UACA: variants seen among roughly 807,000 people sequenced by gnomAD.
UACA encodes the protein nuclear membrane binding protein.
UACA carries 112 observed loss-of-function variants against 160.5 expected under a neutral mutation model. The observed-to-expected ratio is 0.70, with a 90% CI of 0.60 to 0.82. The LOEUF (loss-of-function observed/expected upper bound fraction) is 0.82. Ranked by LOEUF, UACA falls within the 40% of genes least tolerant of loss-of-function variation. UACA has a pLI of 0.00. For synonymous variants in UACA, 557 were observed against 568.4 expected (o/e 0.98, Z 0.29); for missense variants, 1,574 against 1,614.6 (o/e 0.97, Z 0.43).
intron 2 of UACA, among the ~76,000 whole-genome samples, chr15:70,697,646 T>C (rs1466046491): frequency 6.6e-6 from 1 of 152,138 alleles, no homozygotes; most frequent in Non-Finnish European, 1.5e-5. Flanking sequence ...ATACAGAAAA[T>C]ATATTTGTAA....
intron 1 of UACA, chr15:70,758,331 G>T (rs1372996322): frequency 6.6e-6 from 1 of 152,154 alleles, no homozygotes; most frequent in Non-Finnish European, 1.5e-5. Flanking sequence ...TCAACGCAGG[G>T]ATAACCATAG....
the UACA span, among the ~76,000 whole-genome samples, chr15:70,777,706 A>G: frequency 6.6e-6 from 1 of 152,182 alleles, no homozygotes; most frequent in Non-Finnish European, 1.5e-5. Context: ...GACCACGGGC[A>G]AGTAGTGTTG....
intron 1 of UACA, among the ~76,000 whole-genome samples, chr15:70,711,732 A>G (rs1257974412): frequency 1.3e-5 from 2 of 152,164 alleles, no homozygotes; most frequent in Non-Finnish European, 2.9e-5. Context: ...AATAAGGCAG[A>G]CAGATACATA....
At chr15:70,771,273 T>G in the UACA span, among the ~76,000 whole-genome samples, 1 of 152,228 alleles carries the variant, frequency 6.6e-6, no homozygotes, top group African/African-American at 2.4e-5. Flanking sequence ...TCCTTGAGTT[T>G]GAAATTTGGC....
chr15:70,697,468 G>A (rs925928194), intron 2 of UACA, among the ~76,000 whole-genome samples: 3 of 152,184 alleles, frequency 2.0e-5, no homozygotes, highest in Non-Finnish European at 4.4e-5. Flanking sequence ...TAGGAGAGAG[G>A]CGAACAGAAA....
At chr15:70,759,509 G>A (rs567104099) in intron 1 of UACA, among the ~76,000 whole-genome samples, 1 of 152,278 alleles carries the variant, frequency 6.6e-6, no homozygotes, top group Non-Finnish European at 1.5e-5. Flanking sequence ...TACAAAATGA[G>A]CCGGGCATGG....
At chr15:70,776,242 G>A in the UACA span, among the ~76,000 whole-genome samples, 1 of 152,140 alleles carries the variant, frequency 6.6e-6, no homozygotes, top group African/African-American at 2.4e-5. Flanking sequence ...TAAGCAACAT[G>A]AGAACTTACG....
At chr15:70,666,520 C>G (rs1012178341) in intron 16 of UACA, among the ~76,000 whole-genome samples, 1 of 152,212 alleles carries the variant, frequency 6.6e-6, no homozygotes, top group African/African-American at 2.4e-5. Context: ...TTGGCTAGAA[C>G]AGCTAAAGAA....
intron 5 of UACA, among the ~76,000 whole-genome samples, chr15:70,689,336 A>AT (rs1595889936): frequency 1.3e-5 from 2 of 152,194 alleles, no homozygotes; most frequent in African/African-American, 4.8e-5. Context: ...ATCCTAGCTA[A>AT]TGCATCTAAC....
the UACA span, among the ~76,000 whole-genome samples, chr15:70,768,838 C>T: frequency 6.6e-6 from 1 of 152,122 alleles, no homozygotes; most frequent in Non-Finnish European, 1.5e-5. Flanking sequence ...CAGATAAAGG[C>T]TATCTCTATA....
chr15:70,703,861 A>T (rs1356048884), intron 1 of UACA, among the ~76,000 whole-genome samples: 1 of 151,904 alleles, frequency 6.6e-6, no homozygotes, highest in African/African-American at 2.4e-5. Context: ...TGTCCCCTGT[A>T]CCTATAAGGT....
intron 14 of UACA, 145 bp downstream of exon 14, chr15:70,671,820 G>A (rs1260494297): frequency 2.1e-5 from 10 of 479,468 alleles, no homozygotes; most frequent in Admixed American, 4.2e-5. Flanking sequence ...TCATCTTAAC[G>A]TCTTCCTAGT....
intron 18 of UACA, among the ~76,000 whole-genome samples, chr15:70,659,263 T>C (rs1028873157): frequency 6.6e-6 from 1 of 152,014 alleles, no homozygotes; most frequent in Non-Finnish European, 1.5e-5. Context: ...AAGAGGCAGG[T>C]CTATTGATTT....
In UACA at chr15:70,669,055, C is replaced by T. The variant is rs748949025; in HGVS notation, c.1629G>A (p.Lys543=). ...SGNHRLTEEL[K]DQLKDLKVKY... ...TTACTTTCAAGTCTTTCAACTGATC[C>T]TTCAGTTCCTCGGTTAGTCTGTGAT... The change falls in exon 16 of 19, where the codon AAG becomes AAA. Residue 543 remains lysine (K), a synonymous_variant. Coordinates refer to ENST00000322954, the MANE Select transcript of UACA (RefSeq NM_018003.4). 8 of 1,614,004 alleles carry T rather than the reference C, an allele frequency of 5.0e-6. No individual in the cohort carries two copies. The South Asian group carries it at 6.6e-5, about 13-fold the overall frequency.
At chr15:70,727,386 T>C (rs1036971311) in intron 1 of UACA, among the ~76,000 whole-genome samples, 2 of 152,172 alleles carry the variant, frequency 1.3e-5, no homozygotes, top group Admixed American at 6.5e-5. Flanking sequence ...TAAAAATTGC[T>C]GTATAACCAG....
chr15:70,677,868 C>T (rs1350846061), intron 11 of UACA, among the ~76,000 whole-genome samples: 1 of 152,086 alleles, frequency 6.6e-6, no homozygotes, highest in Admixed American at 6.6e-5. Flanking sequence ...CCCTCAGAAG[C>T]GGCAGCCCAC....
intron 1 of UACA, among the ~76,000 whole-genome samples, chr15:70,735,502 C>T (rs1899338033): frequency 6.6e-6 from 1 of 151,914 alleles, no homozygotes; most frequent in Non-Finnish European, 1.5e-5. Context: ...GATGTTTATT[C>T]TCTCAATTAA....
At chr15:70,688,057 A>C (rs762374879) in intron 5 of UACA, among the ~76,000 whole-genome samples, 1 of 152,206 alleles carries the variant, frequency 6.6e-6, no homozygotes, top group Non-Finnish European at 1.5e-5. Flanking sequence ...GTAGAAGACA[A>C]GAACACACTA....
chr15:70,759,470 A>G (rs2030619985), intron 1 of UACA, among the ~76,000 whole-genome samples: 1 of 152,240 alleles, frequency 6.6e-6, no homozygotes, highest in Non-Finnish European at 1.5e-5. Context: ...AGCCTGGCCA[A>G]TGTGGTGAAA....
Sources: allele counts gnomAD v4.1 joint callset (sites outside exome capture counted in the v4.1 genomes callset), GRCh38; gene constraint gnomAD v4.1.1; transcripts MANE v1.5; gene names NCBI Gene and HGNC (gene_info 2026-07-23, HGNC 2026-07-21).